The following PHLPP2 variants were observed in gnomAD, a reference collection of about 807,000 sequenced individuals.
PHLPP2 encodes PH domain leucine-rich repeat-containing protein phosphatase 2.
A neutral mutation model predicts 124.9 loss-of-function variants in PHLPP2; 66 were observed. The observed-to-expected ratio is 0.53, with a 90% CI of 0.43 to 0.65. The LOEUF is 0.65. Ranked by LOEUF, PHLPP2 falls within the 30% of genes least tolerant of loss-of-function variation. PHLPP2 has a pLI of 0.00. For synonymous variants in PHLPP2, 681 were observed against 624.7 expected, an observed-to-expected ratio of 1.09 and a Z score of -1.34; for missense variants, 1,685 against 1,600.4, an observed-to-expected ratio of 1.05 and a Z score of -0.90.
chr16:71,664,102 G>A lies in PHLPP2; in HGVS notation c.1785-3C>T. On this transcript the variant is annotated splice_region_variant and splice_polypyrimidine_tract_variant and intron_variant, in intron 12 of 18. Coordinates refer to ENST00000568954, the MANE Select transcript of PHLPP2 (RefSeq NM_015020.3). Reference sequence around the variant, plus strand: ...CAGATGCATTCAAGTATCTGAGACTGACAGAACACACACAGATCATCACCT... The same window carrying A: ...CAGATGCATTCAAGTATCTGAGACTAACAGAACACACACAGATCATCACCT... The A allele has an allele frequency of 6.2e-7, 1 of 1,600,510 alleles. No individual in the cohort carries two copies.
chr16:71,676,384 G>A (rs2044945418), intron 9 of PHLPP2, 63 bp downstream of exon 9: 1 of 1,343,540 alleles, frequency 7.4e-7, no homozygotes, highest in African/African-American at 1.4e-5. Flanking sequence ...AGGTGCCACT[G>A]TTCTCAGAAA....
intron 6 of PHLPP2, among the ~76,000 whole-genome samples, chr16:71,680,656 G>C (rs1048997932): frequency 6.6e-6 from 1 of 152,190 alleles, no homozygotes; most frequent in Non-Finnish European, 1.5e-5. Flanking sequence ...TGTTCTCCAT[G>C]ATGATGATCT....
At chr16:71,681,999 A>T (rs878907650) in intron 5 of PHLPP2, 94 bp from the exon 6 acceptor site, 1 of 789,242 alleles carries the variant, frequency 1.3e-6, no homozygotes, top group Non-Finnish European at 1.7e-6. Flanking sequence ...AAAGACGCTA[A>T]TTAAAAAGAT....
In PHLPP2 at chr16:71,679,087, A is replaced by T. The variant is rs572320501; in HGVS notation, c.1038-102T>A. On this transcript the variant is annotated intron_variant, in intron 7 of 18. Transcript: ENST00000568954. ...GATTTATGTCACTAATTTATTATCAATCCCAAAATAGTAAAGTGTCCTAAC... is the reference window on the plus strand; with the variant it reads ...GATTTATGTCACTAATTTATTATCATTCCCAAAATAGTAAAGTGTCCTAAC... 1.0e-5 allele frequency: 7 copies of T among 691,880 alleles called. No homozygotes were observed. The South Asian group carries it at 1.1e-4, about 11-fold the overall frequency. The allele number at this position is 691,880 out of a possible 1,614,324, so 42.9% of individuals were successfully genotyped here. A position where few individuals can be genotyped will look rare whatever the true frequency, so the allele number is the denominator to read the frequency against.
At chr16:71,672,620 T>G (rs1175624775) in intron 9 of PHLPP2, among the ~76,000 whole-genome samples, 1 of 152,248 alleles carries the variant, frequency 6.6e-6, no homozygotes. Context: ...ATAAAAATAA[T>G]TAGACTTTTA....
At chr16:71,716,293 G>A (rs1294701530) in intron 1 of PHLPP2, among the ~76,000 whole-genome samples, 1 of 152,162 alleles carries the variant, frequency 6.6e-6, no homozygotes, top group Non-Finnish European at 1.5e-5. Context: ...ATGAAAATGT[G>A]TGTTTCTCTA....
rs755231518 is a variant in PHLPP2, at chr16:71,649,509, C to G, written c.3353G>C (p.Cys1118Ser). Reference sequence around the variant, plus strand: ...AGAGGTGGGTGTTGGGTGGAGGCTGCAGCGCCGCTCTGGCCTCGGAAGCAA... The same window carrying G: ...AGAGGTGGGTGTTGGGTGGAGGCTGGAGCGCCGCTCTGGCCTCGGAAGCAA... ...TALLPRPERR[C>S]SLHPTPTSGL... Residue 1118 changes from cysteine (C) to serine (S), a missense_variant, in exon 19 of 19, where the codon TGC (cysteine) becomes TCC (serine). Coordinates refer to ENST00000568954, the MANE Select transcript of PHLPP2 (RefSeq NM_015020.3). 6.2e-7 allele frequency: 1 copy of G among 1,614,136 alleles called. No homozygotes were observed. Among genetic ancestry groups the G allele is most frequent in the Non-Finnish European group, 8.5e-7 (1 of 1,180,018 alleles).
At chr16:71,682,965 G>A (rs1468533696) in intron 5 of PHLPP2, among the ~76,000 whole-genome samples, 1 of 152,186 alleles carries the variant, frequency 6.6e-6, no homozygotes, top group Non-Finnish European at 1.5e-5. Flanking sequence ...GAGGTCAGGA[G>A]TTCGAGACCA....
At position 71,646,007 on chromosome 16, in the gene PHLPP2, C is replaced by G. The variant is rs533620060; in HGVS notation, c.*2883G>C. ...AGAAATTATCTTAAGCTTCTCTACT[C>G]AATGGGAGGTACACACAGAGACCTG... On this transcript the variant is annotated 3_prime_UTR_variant, in exon 19 of 19. Coordinates refer to ENST00000568954, the MANE Select transcript of PHLPP2 (RefSeq NM_015020.3). The G allele has an allele frequency of 6.5e-6, 1 of 152,718 alleles. No individual in the cohort carries two copies. The highest frequency in any genetic ancestry group is 2.4e-5 in the African/African-American group (1 of 41,572). The allele number at this position is 152,718 out of a possible 1,614,324, so 9.5% of individuals were successfully genotyped here.
intron 17 of PHLPP2, 77 bp downstream of exon 17, chr16:71,655,163 C>A (rs2044731699): frequency 4.3e-6 from 4 of 939,366 alleles, no homozygotes; most frequent in Non-Finnish European, 6.9e-6. Flanking sequence ...ATAATTTAGA[C>A]CCTGACCTTC....
At chr16:71,682,215 T>C (rs2045006531) in intron 5 of PHLPP2, among the ~76,000 whole-genome samples, 1 of 150,160 alleles carries the variant, frequency 6.7e-6, no homozygotes, top group South Asian at 2.1e-4. Flanking sequence ...GTTTTGTTTT[T>C]GGGTTTTTTT....
intron 2 of PHLPP2, among the ~76,000 whole-genome samples, chr16:71,709,287 G>A (rs2045308243): frequency 6.6e-6 from 1 of 151,982 alleles, no homozygotes. Flanking sequence ...AAATTTTAGT[G>A]ACTCAGCAAA....
At position 71,649,109 on chromosome 16, in the gene PHLPP2, G is replaced by A; in HGVS notation, c.3753C>T (p.Ser1251=). 6.2e-7 allele frequency: 1 copy of A among 1,614,066 alleles called. No homozygotes were observed. Among genetic ancestry groups the A allele is most frequent in the Non-Finnish European group, 8.5e-7 (1 of 1,179,938 alleles). ...CTGTGGCCACTTCAATGAGGTTCAG[G>A]CTGTCCTCTAGGGGCACAATAGAGC... is the stretch of plus-strand genomic sequence containing the variant. ...SNGSIVPLED[S]LNLIEVATEV... is the part of the protein sequence containing the mutation. Residue 1251 remains serine, a synonymous_variant, in exon 19 of 19, where the codon AGC becomes AGT. Transcript: ENST00000568954.
intron 2 of PHLPP2, among the ~76,000 whole-genome samples, chr16:71,713,089 T>C (rs987663472): frequency 2.6e-5 from 4 of 152,142 alleles, no homozygotes; most frequent in Non-Finnish European, 4.4e-5. Flanking sequence ...AACACACAAA[T>C]GGCTTTTAAA....
chr16:71,698,573 C>T (rs1354681467), intron 3 of PHLPP2: 1 of 637,242 alleles, frequency 1.6e-6, no homozygotes, highest in Non-Finnish European at 2.9e-6. Context: ...AAAGGCCTGT[C>T]TCTAAGGTCC....
chr16:71,681,663 T>C (rs2044999638), intron 6 of PHLPP2, 88 bp downstream of exon 6: 2 of 1,019,836 alleles, frequency 2.0e-6, no homozygotes, highest in Admixed American at 5.6e-5. Flanking sequence ...TTTTAGAATA[T>C]ACATACAATG....
intron 2 of PHLPP2, 106 bp downstream of exon 2, chr16:71,714,406 T>C: frequency 7.2e-7 from 1 of 1,390,546 alleles, no homozygotes; most frequent in Non-Finnish European, 9.4e-7. Context: ...GAGTCCGTAA[T>C]CAACATCAGT....
At chr16:71,699,822 C>T (rs190230444) in intron 3 of PHLPP2, among the ~76,000 whole-genome samples, 34 of 152,332 alleles carry the variant, frequency 2.2e-4, no homozygotes, top group Non-Finnish European at 8.8e-5. Flanking sequence ...CCCACCTGGA[C>T]GCTGCTGCAA....
At chr16:71,704,905 G>A (rs1456160258) in intron 2 of PHLPP2, among the ~76,000 whole-genome samples, 3 of 152,136 alleles carry the variant, frequency 2.0e-5, no homozygotes. Context: ...TGAATAAACT[G>A]ATGGAGGATT....
Sources: allele counts gnomAD v4.1 joint callset (sites outside exome capture counted in the v4.1 genomes callset), GRCh38; gene constraint gnomAD v4.1.1; transcripts MANE v1.5; gene names NCBI Gene and HGNC (gene_info 2026-07-23, HGNC 2026-07-21).